The following TRIM15 variants were observed in gnomAD, a reference collection of about 807,000 sequenced individuals.
TRIM15 encodes the protein E3 ubiquitin-protein ligase TRIM15.
In TRIM15, 35 loss-of-function variants were observed where a neutral mutation model predicts 35.8. The observed-to-expected ratio is 0.98, with a 90% CI of 0.75 to 1.30. The LOEUF (loss-of-function observed/expected upper bound fraction) is 1.30, where lower values mean the gene tolerates loss of function less well. TRIM15 is among the 50% of genes most tolerant of loss of function. The pLI is 0.00. For synonymous variants in TRIM15, 252 were observed against 249.8 expected (o/e 1.01, Z -0.08); for missense variants, 590 against 593.5 (o/e 0.99, Z 0.06).
At chr6:30,170,386 A>G (rs1279732115) in intron 4 of TRIM15, 115 bp from the exon 5 acceptor site, 4 of 633,066 alleles carry the variant, frequency 6.3e-6, no homozygotes, top group African/African-American at 3.7e-5. Flanking sequence ...ACTCAATTTC[A>G]TTATTCACCA....
intron 4 of TRIM15, 179 bp downstream of exon 4, chr6:30,169,442 T>C (rs192056041): frequency 1.3e-6 from 1 of 748,008 alleles, no homozygotes; most frequent in African/African-American, 1.7e-5. Flanking sequence ...GTTCTAAAGG[T>C]TCATTTTTAA....
Position 30,170,560 on chromosome 6 carries a change from T to C in TRIM15, c.791T>C (p.Ile264Thr), listed in dbSNP as rs1562150668. The change falls in exon 5 of 7, where the codon ATC becomes ACC. Residue 264 changes from isoleucine to threonine, a missense_variant. Coordinates refer to ENST00000376694, the MANE Select transcript of TRIM15 (RefSeq NM_033229.3). ...ATTTCTCCTGACCTTGTCAAGAAGA[T>C]CCGTGATTTCCACAGGAAAATACTC... ...EAISPDLVKK[I>T]RDFHRKILTL... 1 of 1,614,164 alleles carries C rather than the reference T, an allele frequency of 6.2e-7. No individual in the cohort carries two copies. The highest frequency in any genetic ancestry group is 2.2e-5 in the East Asian group (1 of 44,884).
chr6:30,167,380 G>A (rs534619310), intron 2 of TRIM15, 109 bp downstream of exon 2: 1 of 875,536 alleles, frequency 1.1e-6, no homozygotes, highest in African/African-American at 1.7e-5. Flanking sequence ...CTGACAAACT[G>A]TTCTCGTTCA....
Position 30,170,498 on chromosome 6 carries a change from CA to C in TRIM15, c.732-2del. 6.2e-7 allele frequency: 1 copy of C among 1,609,508 alleles called. No individual in the cohort carries two copies. On this transcript the variant is annotated splice_acceptor_variant, in intron 4 of 6. Coordinates refer to ENST00000376694, the MANE Select transcript of TRIM15 (RefSeq NM_033229.3). LOFTEE classifies it high-confidence loss of function. ...CCTAACTGGTTACCAAACCTGTCTG[CA>C]GGTGTGAGATGAAGACTTTTGTGAG...
chr6:30,167,435 G>C (rs1773686463), intron 2 of TRIM15, among the ~76,000 whole-genome samples, 164 bp downstream of exon 2: 1 of 152,226 alleles, frequency 6.6e-6, no homozygotes, highest in African/African-American at 2.4e-5. Context: ...CAGACCATGA[G>C]CACTAGAAGT....
At position 30,170,373 on chromosome 6, in the gene TRIM15, G is replaced by T; in HGVS notation, c.732-128G>T. 5.0e-6 allele frequency: 3 copies of T among 605,184 alleles called. No homozygotes were observed. In the East Asian group the frequency reaches 8.3e-5, roughly 17 times the overall value. 37.5% of individuals were successfully genotyped at this position (605,184 alleles called of 1,614,324 possible). On this transcript the variant is annotated intron_variant, in intron 4 of 6. Coordinates refer to ENST00000376694, the MANE Select transcript of TRIM15 (RefSeq NM_033229.3). Reference sequence around the variant, plus strand: ...ACATTTCCAGCAAAAGTAAAGAAATGATACTCAATTTCATTATTCACCACA... The same window carrying T: ...ACATTTCCAGCAAAAGTAAAGAAATTATACTCAATTTCATTATTCACCACA...
chr6:30,164,905 C>G (rs923887231), intron 1 of TRIM15, among the ~76,000 whole-genome samples: 2 of 152,156 alleles, frequency 1.3e-5, no homozygotes, highest in African/African-American at 4.8e-5. Flanking sequence ...CCCTGTCCGG[C>G]CTCATCGCTC....
In TRIM15 at chr6:30,170,514, A is replaced by C; in HGVS notation, c.745A>C (p.Thr249Pro). 1 of 1,613,804 alleles carries C rather than the reference A, an allele frequency of 6.2e-7. No homozygotes were observed. The highest frequency in any genetic ancestry group is 8.5e-7 in the Non-Finnish European group (1 of 1,179,824). Residue 249 changes from threonine (T) to proline (P), a missense_variant, in exon 5 of 7, where the codon ACT becomes CCT. Thr to Pro is a conservative substitution (Grantham distance 38). Transcript: ENST00000376694. ...ACCTGTCTGCAGGTGTGAGATGAAG[A>C]CTTTTGTGAGTCCTGAGGCCATTTC... ...RVNQSRCEMKTFVSPEAISPD... is the reference protein window; with the variant it reads ...RVNQSRCEMKPFVSPEAISPD...
At chr6:30,169,097 A>G (rs1773827803) in intron 3 of TRIM15, 144 bp from the exon 4 acceptor site, 6 of 924,834 alleles carry the variant, frequency 6.5e-6, no homozygotes, top group East Asian at 5.0e-5. Flanking sequence ...TAAAAGAACA[A>G]TCTAATGAGT....
chr6:30,168,003 G>A (rs988714240), intron 2 of TRIM15, among the ~76,000 whole-genome samples: 4 of 152,156 alleles, frequency 2.6e-5, no homozygotes, highest in Non-Finnish European at 5.9e-5. Flanking sequence ...ACTCTAAGAA[G>A]GCATAGTAGG....
Position 30,172,541 on chromosome 6 carries a change from C to T in TRIM15, c.*192C>T. ...TCAGCTCCCTGACGTCCTGAGCCTC[C>T]CTGTGACGCTCTGGCCTTCTCTGTA... On this transcript the variant is annotated 3_prime_UTR_variant, in exon 7 of 7. Coordinates refer to ENST00000376694, the MANE Select transcript of TRIM15 (RefSeq NM_033229.3). The T allele has an allele frequency of 2.3e-6, 2 of 859,956 alleles. No homozygotes were observed. Among genetic ancestry groups the T allele is most frequent in the South Asian group, 1.5e-5 (1 of 66,696 alleles). 53.3% of individuals were successfully genotyped at this position (859,956 alleles called of 1,614,324 possible). A position where few individuals can be genotyped will look rare whatever the true frequency, so the allele number is the denominator to read the frequency against.
intron 1 of TRIM15, 149 bp from the exon 2 acceptor site, chr6:30,167,027 G>C (rs184871954): frequency 4.8e-6 from 3 of 623,222 alleles, no homozygotes; most frequent in Non-Finnish European, 8.5e-6. Flanking sequence ...ACTTCTTCCT[G>C]AGATGGTGGT....
rs774221314 is a variant in TRIM15, at chr6:30,164,005, G to C, written c.321G>C (p.Glu107Asp). 1 of 1,613,008 alleles carries C rather than the reference G, an allele frequency of 6.2e-7. No homozygotes were observed. Among genetic ancestry groups the C allele is most frequent in the Non-Finnish European group, 8.5e-7 (1 of 1,180,034 alleles). ...AGTTCCTCTGTGTGTTCTGCAGGGA[G>C]GGTCCCACGCACCAGGCGCACACCG... ...DAEFLCVFCR[E>D]GPTHQAHTVG... The change falls in exon 1 of 7, where the codon GAG becomes GAC. Residue 107 changes from glutamate to aspartate, a missense_variant. Coordinates refer to ENST00000376694, the MANE Select transcript of TRIM15 (RefSeq NM_033229.3).
intron 4 of TRIM15, chr6:30,169,898 A>G (rs1232081349): frequency 4.9e-6 from 1 of 204,556 alleles, no homozygotes; most frequent in Non-Finnish European, 1.0e-5. Context: ...CCCAGGGTCC[A>G]TGAATCAGGA....
In TRIM15 at chr6:30,172,087, G is replaced by C; in HGVS notation, c.1136G>C (p.Gly379Ala). Residue 379 changes from glycine to alanine, a missense_variant, in exon 7 of 7, where the codon GGA becomes GCA. Gly to Ala is a moderately conservative substitution (Grantham distance 60). Coordinates refer to ENST00000376694, the MANE Select transcript of TRIM15 (RefSeq NM_033229.3). ...GEGVRRKGEM[G>A]LSAEDGVWAV... is the part of the protein sequence containing the mutation. ...GGGGTGAGGAGGAAGGGAGAGATGG[G>C]ACTCAGCGCCGAGGACGGCGTCTGG... is the stretch of plus-strand genomic sequence containing the variant. 6.3e-7 allele frequency: 1 copy of C among 1,576,088 alleles called. No homozygotes were observed. Among genetic ancestry groups the C allele is most frequent in the Non-Finnish European group, 8.6e-7 (1 of 1,161,338 alleles).
chr6:30,163,897 C>T lies in TRIM15; in HGVS notation c.213C>T (p.Ala71=), dbSNP rs762697971. 6.2e-7 allele frequency: 1 copy of T among 1,612,966 alleles called. No homozygotes were observed. Among genetic ancestry groups the T allele is most frequent in the Non-Finnish European group, 8.5e-7 (1 of 1,180,048 alleles). Residue 71 remains alanine, a synonymous_variant, in exon 1 of 7, where the codon GCC becomes GCT. Transcript: ENST00000376694. ...QEEEQAETPM[A]PVPLGPLGET... ...AGGAGCAGGCAGAGACTCCCATGGC[C>T]CCTGTGCCCCTGGGCCCGCTGGGAG...
chr6:30,168,457 A>T lies in TRIM15; in HGVS notation c.635A>T (p.Glu212Val). ...RDEYITKVSE[E>V]VTRLGAQVKE... ...GAATATATCACAAAGGTCTCTGAGG[A>T]AGTCACCCGGCTTGGAGCCCAGGTC... is the stretch of plus-strand genomic sequence containing the variant. The change falls in exon 3 of 7, where the codon GAA (glutamate) becomes GTA (valine). Residue 212 changes from glutamate (E) to valine (V), a missense_variant. Glu to Val is a moderately radical substitution (Grantham distance 121). Transcript: ENST00000376694. 6.2e-7 allele frequency: 1 copy of T among 1,612,072 alleles called. No homozygotes were observed. Among genetic ancestry groups the T allele is most frequent in the Non-Finnish European group, 8.5e-7 (1 of 1,179,578 alleles).
At chr6:30,164,648 C>G (rs1773451961) in intron 1 of TRIM15, among the ~76,000 whole-genome samples, 1 of 152,198 alleles carries the variant, frequency 6.6e-6, no homozygotes, top group Non-Finnish European at 1.5e-5. Context: ...TCTCCCAAAT[C>G]TTTAATTCTG....
In TRIM15 at chr6:30,171,935, C is replaced by T. The variant is rs1774047171; in HGVS notation, c.984C>T (p.Ser328=). The part of the protein sequence containing the change: ...YTRQKKSLPD[S]PLRFDGLPAV... ...GGCAGAAGAAGAGCCTGCCAGACAGCCCCCTGCGCTTCGACGGCCTCCCGG... is the reference window on the plus strand; with the variant it reads ...GGCAGAAGAAGAGCCTGCCAGACAGTCCCCTGCGCTTCGACGGCCTCCCGG... Residue 328 remains serine, a synonymous_variant, in exon 7 of 7, where the codon AGC becomes AGT. Coordinates refer to ENST00000376694, the MANE Select transcript of TRIM15 (RefSeq NM_033229.3). 1.3e-6 allele frequency: 2 copies of T among 1,597,866 alleles called. No homozygotes were observed. Among genetic ancestry groups the T allele is most frequent in the Non-Finnish European group, 1.7e-6 (2 of 1,172,402 alleles).
Sources: allele counts gnomAD v4.1 joint callset (sites outside exome capture counted in the v4.1 genomes callset), GRCh38; gene constraint gnomAD v4.1.1; transcripts MANE v1.5; gene names NCBI Gene and HGNC (gene_info 2026-07-23, HGNC 2026-07-21).